AK5: variants seen among roughly 807,000 people sequenced by gnomAD.
AK5 encodes the protein adenylate kinase 5.
In AK5, 27 loss-of-function variants were observed where a neutral mutation model predicts 69.5. The observed-to-expected ratio is 0.39, with a 90% CI of 0.29 to 0.54. The LOEUF (loss-of-function observed/expected upper bound fraction) is 0.54. Among genes scored for constraint, AK5 ranks in the 20% least tolerant of loss-of-function variants. AK5 has a pLI of 0.71. For missense variants in AK5, 531 were observed against 700.4 expected (o/e 0.76, Z 2.73); for synonymous variants, 260 against 244.4 (o/e 1.06, Z -0.60).
At chr1:77,542,792 C>T (rs1659345266) in intron 13 of AK5, among the ~76,000 whole-genome samples, 1 of 151,678 alleles carries the variant, frequency 6.6e-6, no homozygotes, top group Admixed American at 6.6e-5. Flanking sequence ...TGGTTTTTTT[C>T]CATTTTTATA....
At chr1:77,500,779 C>T (rs1470414381) in intron 10 of AK5, among the ~76,000 whole-genome samples, 3 of 152,158 alleles carry the variant, frequency 2.0e-5, no homozygotes, top group Non-Finnish European at 2.9e-5. Flanking sequence ...GAGACTCCAT[C>T]TCACAAACAA....
chr1:77,436,386 A>G (rs1181728331), intron 8 of AK5, among the ~76,000 whole-genome samples: 2 of 151,848 alleles, frequency 1.3e-5, no homozygotes, highest in Admixed American at 6.6e-5. Flanking sequence ...ATTTCTAATG[A>G]AAGTGTAGGA....
At chr1:77,400,322 G>A (rs969505946) in intron 6 of AK5, among the ~76,000 whole-genome samples, 1 of 152,142 alleles carries the variant, frequency 6.6e-6, no homozygotes, top group Non-Finnish European at 1.5e-5. Context: ...ACCTGGACAA[G>A]TTATTTAATC....
chr1:77,367,704 TATATATGTTATATATA>T (rs1248250933), intron 6 of AK5, among the ~76,000 whole-genome samples: 23 of 44,838 alleles, frequency 5.1e-4, no homozygotes, highest in Non-Finnish European at 8.8e-4. Flanking sequence ...TTATATGTTA[TATATATGTTATATATA>T]ATATATGTTA....
intron 6 of AK5, among the ~76,000 whole-genome samples, chr1:77,372,492 A>C (rs1319896249): frequency 6.6e-5 from 10 of 152,206 alleles, no homozygotes; most frequent in Non-Finnish European, 1.5e-5. Flanking sequence ...TTAAATCTCT[A>C]TGTTTAATAT....
chr1:77,387,617 G>A (rs1483329909), intron 6 of AK5, among the ~76,000 whole-genome samples: 2 of 152,270 alleles, frequency 1.3e-5, no homozygotes, highest in East Asian at 1.9e-4. Flanking sequence ...GCTTATCACT[G>A]CTTTCCTAAA....
At position 77,518,184 on chromosome 1, in the gene AK5, A is replaced by G. The variant is rs1657773813; in HGVS notation, c.1148-380A>G. Among the ~76,000 whole-genome samples the G allele has an allele frequency of 2.0e-5, 3 of 152,358 alleles. No homozygotes were observed. The South Asian group carries it at 6.2e-4, about 32-fold the overall frequency. ...GCACATGAGTGGGTTCGGTTCTCCAAGGAAACTTTTCTGACTTTGCATCTC... is the reference window on the plus strand; with the variant it reads ...GCACATGAGTGGGTTCGGTTCTCCAGGGAAACTTTTCTGACTTTGCATCTC... On this transcript the variant is annotated intron_variant, in intron 10 of 13. Coordinates refer to ENST00000354567, the MANE Select transcript of AK5 (RefSeq NM_174858.3).
intron 6 of AK5, among the ~76,000 whole-genome samples, chr1:77,366,660 T>C (rs1646955367): frequency 6.6e-6 from 1 of 152,190 alleles, no homozygotes; most frequent in Non-Finnish European, 1.5e-5. Flanking sequence ...TGCCTTATTT[T>C]TGACATTCTC....
At chr1:77,487,746 C>T (rs544223268) in intron 10 of AK5, among the ~76,000 whole-genome samples, 5 of 152,268 alleles carry the variant, frequency 3.3e-5, no homozygotes, top group Admixed American at 3.3e-4. Context: ...ACTGTAGTTC[C>T]TCACTCCAGG....
chr1:77,530,555 G>A (rs962525893), intron 12 of AK5, among the ~76,000 whole-genome samples: 1 of 152,090 alleles, frequency 6.6e-6, no homozygotes, highest in African/African-American at 2.4e-5. Flanking sequence ...CTGACCAGTG[G>A]GATACTTTAC....
At chr1:77,444,149 TTCTC>T (rs369228737) in intron 8 of AK5, among the ~76,000 whole-genome samples, 1 of 141,366 alleles carries the variant, frequency 7.1e-6, no homozygotes, top group African/African-American at 2.8e-5. Context: ...TGCTATTTTA[TTCTC>T]TCTCTCTCTC....
At chr1:77,499,137 TG>T (rs1656540604) in intron 10 of AK5, among the ~76,000 whole-genome samples, 1 of 152,222 alleles carries the variant, frequency 6.6e-6, no homozygotes, top group Admixed American at 6.5e-5. Flanking sequence ...AAGGAGTCAG[TG>T]ACTATTTTGG....
chr1:77,548,842 TC>T (rs1659670265), intron 13 of AK5, among the ~76,000 whole-genome samples: 1 of 152,034 alleles, frequency 6.6e-6, no homozygotes, highest in African/African-American at 2.4e-5. Context: ...TACTTTTCCT[TC>T]AAGAAGTCAG....
intron 6 of AK5, among the ~76,000 whole-genome samples, chr1:77,376,262 AT>A (rs1647232134): frequency 1.3e-5 from 2 of 151,972 alleles, no homozygotes; most frequent in Admixed American, 6.6e-5. Flanking sequence ...TTCAGGCTCC[AT>A]CCCTCTCTCC....
At chr1:77,332,402 C>CT (rs777553446) in intron 5 of AK5, among the ~76,000 whole-genome samples, 15,171 of 144,160 alleles carry the variant, frequency 0.11, 967 homozygotes, top group South Asian at 0.22. Flanking sequence ...CTAAATTTTT[C>CT]TTTTTTTTTT....
intron 6 of AK5, among the ~76,000 whole-genome samples, chr1:77,355,974 T>C (rs1035090710): frequency 6.6e-6 from 1 of 151,858 alleles, no homozygotes; most frequent in Non-Finnish European, 1.5e-5. Context: ...AAACAAAGCC[T>C]GAAAAAATGT....
At chr1:77,367,645 T>TTATATATGA (rs1646993968) in intron 6 of AK5, among the ~76,000 whole-genome samples, 1 of 65,356 alleles carries the variant, frequency 1.5e-5, no homozygotes, top group African/African-American at 7.8e-5. Flanking sequence ...ATATGTTATG[T>TTATATATGA]TATATATGTT....
intron 10 of AK5, among the ~76,000 whole-genome samples, chr1:77,488,737 A>G (rs904852159): frequency 4.6e-5 from 7 of 152,082 alleles, no homozygotes; most frequent in African/African-American, 1.7e-4. Context: ...TCCTTTTCAC[A>G]TGTTTCTGCC....
chr1:77,370,259 G>A (rs1647095239), intron 6 of AK5, among the ~76,000 whole-genome samples: 1 of 152,152 alleles, frequency 6.6e-6, no homozygotes, highest in South Asian at 2.1e-4. Flanking sequence ...GCTCCGTGGA[G>A]AACTCCAGCA....
Sources: gnomAD v4.1 joint callset for allele counts (sites outside exome capture counted in the v4.1 genomes callset) on GRCh38, gnomAD v4.1.1 for gene constraint, MANE v1.5 for transcripts, NCBI Gene and HGNC (gene_info 2026-07-23, HGNC 2026-07-21) for gene names.